HEATR4: variants seen among roughly 807,000 people sequenced by gnomAD.
HEATR4 encodes the protein HEAT repeat-containing protein 4.
A neutral mutation model predicts 108.8 loss-of-function variants in HEATR4; 95 were observed. The observed-to-expected ratio is 0.87, with a 90% CI of 0.74 to 1.04. The LOEUF (loss-of-function observed/expected upper bound fraction) is 1.04. Among genes scored for constraint, HEATR4 ranks in the 50% least tolerant of loss-of-function variants. The pLI, the probability that HEATR4 is intolerant of heterozygous loss-of-function variation, is 0.00. For synonymous variants in HEATR4, 443 were observed against 459.4 expected, an observed-to-expected ratio of 0.96 and a Z score of 0.46; for missense variants, 1,152 against 1,253.8, an observed-to-expected ratio of 0.92 and a Z score of 1.23.
intron 1 of HEATR4, chr14:73,537,359 G>A: frequency 8.4e-7 from 1 of 1,192,686 alleles, no homozygotes; most frequent in Middle Eastern, 3.0e-4. Flanking sequence ...GAAGAGTTGG[G>A]CAGAGTTGCA....
chr14:73,496,724 TA>T, intron 14 of HEATR4, 45 bp from the exon 15 acceptor site: 1 of 1,031,034 alleles, frequency 9.7e-7, no homozygotes, highest in Non-Finnish European at 1.5e-6. Flanking sequence ...CCCTGCCCTT[TA>T]AAAAAGTATG....
upstream of HEATR4, among the ~76,000 whole-genome samples, chr14:73,559,857 T>A (rs1354560879): frequency 6.6e-6 from 1 of 152,142 alleles, no homozygotes; most frequent in African/African-American, 2.4e-5. Flanking sequence ...CACATAGTTC[T>A]GGCAGGCGTC....
At chr14:73,520,798 C>T in intron 4 of HEATR4, 54 bp downstream of exon 4, 6 of 1,504,954 alleles carry the variant, frequency 4.0e-6, no homozygotes, top group Non-Finnish European at 5.5e-6. Context: ...CAATCTTCCA[C>T]CTTCCTGGCC....
intron 17 of HEATR4, among the ~76,000 whole-genome samples, chr14:73,489,224 C>T (rs186789504): frequency 6.6e-6 from 1 of 151,930 alleles, no homozygotes; most frequent in Non-Finnish European, 1.5e-5. Context: ...GTTAGACAAC[C>T]CCTAGCCCCC....
the HEATR4 span, chr14:73,619,986 A>G: frequency 4.4e-6 from 4 of 909,296 alleles, no homozygotes; most frequent in Non-Finnish European, 6.3e-6. Context: ...ATCTTGGCTC[A>G]CTGTAACCTC....
chr14:73,577,580 ACT>A, the HEATR4 span, among the ~76,000 whole-genome samples: 3 of 149,486 alleles, frequency 2.0e-5, no homozygotes, highest in Non-Finnish European at 3.0e-5. Context: ...ATAGTATATG[ACT>A]CTCTTAGAAA....
At chr14:73,487,766 C>A (rs1002603442) in intron 17 of HEATR4, among the ~76,000 whole-genome samples, 1 of 152,098 alleles carries the variant, frequency 6.6e-6, no homozygotes, top group African/African-American at 2.4e-5. Flanking sequence ...AGTCAAAATT[C>A]TCTTGAGATG....
At chr14:73,551,232 G>A (rs1449187004) in intron 1 of HEATR4, among the ~76,000 whole-genome samples, 6 of 113,728 alleles carry the variant, frequency 5.3e-5, no homozygotes, top group African/African-American at 1.7e-4. Flanking sequence ...ACTAGTCAAT[G>A]AGCCCAATTT....
chr14:73,487,952 G>T lies in HEATR4; in HGVS notation c.2844+5114C>A, dbSNP rs1885515587. 2.6e-5 allele frequency among the ~76,000 whole-genome samples: 4 copies of T among 152,296 alleles called. No individual in the cohort carries two copies. The South Asian group carries it at 6.2e-4, about 24-fold the overall frequency. ...TAGCTTGTAGAAGTAGAGTTTACAG[G>T]GGTTGGGGATGATAGGCTGTAACAT... On this transcript the variant is annotated intron_variant, in intron 17 of 17. Coordinates refer to ENST00000553558, the MANE Select transcript of HEATR4 (RefSeq NM_001220484.1).
At chr14:73,526,865 G>A (rs944045881) in intron 2 of HEATR4, among the ~76,000 whole-genome samples, 1 of 152,092 alleles carries the variant, frequency 6.6e-6, no homozygotes, top group African/African-American at 2.4e-5. Flanking sequence ...GTGTGACCCA[G>A]TGCACTGCCA....
the HEATR4 span, chr14:73,573,375 G>A: frequency 6.2e-7 from 1 of 1,613,446 alleles, no homozygotes; most frequent in South Asian, 1.1e-5. Context: ...ATTTTGTTTT[G>A]TTTCTTCCCA....
chr14:73,529,147 A>C (rs1465212057), intron 2 of HEATR4: 1 of 152,110 alleles, frequency 6.6e-6, no homozygotes, highest in African/African-American at 2.4e-5. Context: ...TGAGGTTAGG[A>C]GTTCAAGACC....
upstream of HEATR4, among the ~76,000 whole-genome samples, chr14:73,561,430 A>G (rs1418306780): frequency 9.2e-5 from 14 of 151,800 alleles, no homozygotes; most frequent in South Asian, 2.7e-3. Flanking sequence ...GCTCACGCCT[A>G]TAATCCCAGC....
the HEATR4 span, chr14:73,591,872 C>G: frequency 3.1e-6 from 4 of 1,272,012 alleles, no homozygotes; most frequent in Admixed American, 8.4e-5. Context: ...CAGGGGACGC[C>G]GGACGCCGTC....
chr14:73,485,122 C>G (rs879702453), intron 17 of HEATR4, among the ~76,000 whole-genome samples: 2 of 151,768 alleles, frequency 1.3e-5, no homozygotes, highest in Non-Finnish European at 2.9e-5. Context: ...CGAGATTGCA[C>G]CACTGCACTC....
At chr14:73,593,438 A>C in the HEATR4 span, among the ~76,000 whole-genome samples, 1 of 142,904 alleles carries the variant, frequency 7.0e-6, no homozygotes. Context: ...TCTGGGGCTC[A>C]AGTGATCCTC....
the HEATR4 span, among the ~76,000 whole-genome samples, chr14:73,564,256 C>T: frequency 2.0e-5 from 3 of 151,276 alleles, no homozygotes; most frequent in Admixed American, 6.6e-5. Flanking sequence ...CGAGATCAGA[C>T]CACTGCACTC....
At chr14:73,623,012 C>T in the HEATR4 span, among the ~76,000 whole-genome samples, 3 of 151,784 alleles carry the variant, frequency 2.0e-5, no homozygotes, top group Non-Finnish European at 4.4e-5. Context: ...CGGGTTCAAG[C>T]GATTCTCCTG....
chr14:73,489,833 T>C (rs920169731), intron 17 of HEATR4, among the ~76,000 whole-genome samples: 9 of 152,184 alleles, frequency 5.9e-5, no homozygotes, highest in African/African-American at 2.2e-4. Context: ...GAGAGGACAA[T>C]GAATTTGAGA....
Sources: allele counts gnomAD v4.1 joint callset (sites outside exome capture counted in the v4.1 genomes callset), GRCh38; gene constraint gnomAD v4.1.1; transcripts MANE v1.5; gene names NCBI Gene and HGNC (gene_info 2026-07-23, HGNC 2026-07-21).